The following RAE1 variants were observed in gnomAD, a reference collection of about 807,000 sequenced individuals.
RAE1 encodes ribonucleic acid export 1.
In RAE1, 13 loss-of-function variants were observed where a neutral mutation model predicts 52.7. That is an observed-to-expected ratio of 0.25 (90% confidence interval 0.16 to 0.39). The LOEUF is 0.39. Ranked by LOEUF, RAE1 falls within the 10% of genes least tolerant of loss-of-function variation. The probability of loss-of-function intolerance (pLI) is 1.00; values close to 1 mark genes in which losing one functional copy is unlikely to be tolerated. For missense variants in RAE1, 262 were observed against 459.8 expected, an observed-to-expected ratio of 0.57 and a Z score of 3.93; for synonymous variants, 164 against 153.1, an observed-to-expected ratio of 1.07 and a Z score of -0.52.
chr20:57,373,041 T>C, intron 8 of RAE1: 1 of 218,646 alleles, frequency 4.6e-6, no homozygotes, highest in Non-Finnish European at 9.3e-6. Context: ...CTTCACCCTG[T>C]TACCCTGTGA....
In RAE1 at chr20:57,368,614, A is replaced by G. The variant is rs2066990994; in HGVS notation, c.535-91A>G. On this transcript the variant is annotated intron_variant, in intron 7 of 11. Coordinates refer to ENST00000395841, the MANE Select transcript of RAE1 (RefSeq NM_003610.4). ...CCAGGATTATTAAAATCCAGACTTA[A>G]TGTTGTAACCAAAAATTGATCAAAT... 1.3e-5 allele frequency: 10 copies of G among 791,516 alleles called. No homozygotes were observed. In the South Asian group the frequency reaches 1.7e-4, roughly 13 times the overall value. The allele number at this position is 791,516 out of a possible 1,614,324, so 49.0% of individuals were successfully genotyped here. A position where few individuals can be genotyped will look rare whatever the true frequency, so the allele number is the denominator to read the frequency against.
intron 11 of RAE1, chr20:57,375,243 T>TC: frequency 1.8e-6 from 1 of 554,158 alleles, no homozygotes; most frequent in Non-Finnish European, 3.2e-6. Flanking sequence ...ATGTGTAGAC[T>TC]CGGGTACTCT....
chr20:57,360,130 T>G (rs1488523136), intron 4 of RAE1: 2 of 152,188 alleles, frequency 1.3e-5, no homozygotes, highest in African/African-American at 4.8e-5. Context: ...GTGTAGAAAA[T>G]TATCAGTAAT....
chr20:57,353,920 C>A (rs2066747085), intron 1 of RAE1, 112 bp from the exon 2 acceptor site: 1 of 891,880 alleles, frequency 1.1e-6, no homozygotes, highest in African/African-American at 1.7e-5. Flanking sequence ...AAAAGTGAAG[C>A]CTGGCCTCAA....
rs376299720 is a variant in RAE1, at chr20:57,378,428, A to G, written c.*329A>G. 1.5e-4 allele frequency: 36 copies of G among 247,352 alleles called. No homozygotes were observed. The South Asian group carries it at 2.0e-3, about 14-fold the overall frequency. The allele number at this position is 247,352 out of a possible 1,614,324, so 15.3% of individuals were successfully genotyped here. ...AAAGCGTCTGTGAGCCCCGTGCTGT[A>G]TTTTGTAATAAAGTCTTTTGCAGAT... On this transcript the variant is annotated 3_prime_UTR_variant, in exon 12 of 12. Coordinates refer to ENST00000395841, the MANE Select transcript of RAE1 (RefSeq NM_003610.4).
intron 11 of RAE1, 192 bp downstream of exon 11, chr20:57,374,993 C>G (rs760315952): frequency 2.7e-6 from 2 of 732,832 alleles, no homozygotes; most frequent in South Asian, 1.5e-5. Flanking sequence ...CAGCCTTTGG[C>G]CAGAACCCAG....
chr20:57,377,718 C>T (rs1407392144), intron 11 of RAE1, among the ~76,000 whole-genome samples: 3 of 152,150 alleles, frequency 2.0e-5, no homozygotes, highest in Non-Finnish European at 4.4e-5. Flanking sequence ...GTTATCCTGG[C>T]GTTAAAGTCC....
At chr20:57,375,740 C>A (rs1487076586) in intron 11 of RAE1, among the ~76,000 whole-genome samples, 1 of 152,208 alleles carries the variant, frequency 6.6e-6, no homozygotes, top group African/African-American at 2.4e-5. Context: ...CCTCTTGCAG[C>A]TGTACTCAGA....
At chr20:57,369,431 C>G (rs7263686) in intron 8 of RAE1, among the ~76,000 whole-genome samples, 1,754 of 152,310 alleles carry the variant, frequency 0.012, 38 homozygotes, top group African/African-American at 0.039. Flanking sequence ...CTTCCCTAAT[C>G]AGGACAAGGG....
In RAE1 at chr20:57,351,423, G is replaced by A; in HGVS notation, c.-8+1G>A. The stretch of plus-strand genomic sequence containing the variant: ...CTTTCCGCCGGGGCGAGACCCCCAG[G>A]TAGGCCCCGTGCCGCGCGCGTCCCG... On this transcript the variant is annotated splice_donor_variant, in intron 1 of 11. Transcript: ENST00000395841. LOFTEE classifies it low-confidence loss of function (5UTR_SPLICE). 1 of 985,540 alleles carries A rather than the reference G, an allele frequency of 1.0e-6. No homozygotes were observed. 61.0% of individuals were successfully genotyped at this position (985,540 alleles called of 1,614,324 possible).
chr20:57,362,308 C>A (rs1199134321), intron 4 of RAE1, among the ~76,000 whole-genome samples: 2 of 152,210 alleles, frequency 1.3e-5, no homozygotes, highest in Middle Eastern at 3.2e-3. Flanking sequence ...GCATTTTTAT[C>A]ACCTGTAAAA....
intron 1 of RAE1, chr20:57,351,996 C>CAG (rs2146120814): frequency 1.0e-6 from 1 of 984,242 alleles, no homozygotes; most frequent in East Asian, 1.1e-4. Flanking sequence ...GGGAAGAATC[C>CAG]AGGCAAGTGG....
intron 5 of RAE1, among the ~76,000 whole-genome samples, chr20:57,366,072 T>A (rs1325631802): frequency 2.0e-5 from 3 of 152,176 alleles, no homozygotes; most frequent in Non-Finnish European, 4.4e-5. Context: ...GCTAGAAACA[T>A]CTCATTGATC....
rs1345160049 is a variant in RAE1, at chr20:57,351,424, T to C, written c.-8+2T>C. The stretch of plus-strand genomic sequence containing the variant: ...TTTCCGCCGGGGCGAGACCCCCAGG[T>C]AGGCCCCGTGCCGCGCGCGTCCCGT... On this transcript the variant is annotated splice_donor_variant, in intron 1 of 11. Coordinates refer to ENST00000395841, the MANE Select transcript of RAE1 (RefSeq NM_003610.4). LOFTEE classifies it low-confidence loss of function (5UTR_SPLICE). 1 of 985,354 alleles carries C rather than the reference T, an allele frequency of 1.0e-6. No individual in the cohort carries two copies. The highest frequency in any genetic ancestry group is 1.2e-6 in the Non-Finnish European group (1 of 830,018). 61.0% of individuals were successfully genotyped at this position (985,354 alleles called of 1,614,324 possible).
intron 4 of RAE1, among the ~76,000 whole-genome samples, chr20:57,364,413 C>T (rs945837161): frequency 6.6e-6 from 1 of 152,192 alleles, no homozygotes; most frequent in Non-Finnish European, 1.5e-5. Context: ...TCATACCTTT[C>T]CTTTGCTGTG....
intron 5 of RAE1, 46 bp downstream of exon 5, chr20:57,365,488 G>T: frequency 1.5e-6 from 2 of 1,300,374 alleles, no homozygotes; most frequent in South Asian, 2.8e-5. Context: ...TGGTACCCAG[G>T]ACTGTGATGG....
intron 4 of RAE1, among the ~76,000 whole-genome samples, chr20:57,360,674 A>G (rs973188797): frequency 1.3e-5 from 2 of 152,194 alleles, no homozygotes; most frequent in African/African-American, 4.8e-5. Flanking sequence ...GTTTTTTACA[A>G]CTTAGATGGA....
At chr20:57,371,140 A>G (rs1339611941) in intron 8 of RAE1, 1 of 152,240 alleles carries the variant, frequency 6.6e-6, no homozygotes, top group African/African-American at 2.4e-5. Context: ...TCAGAACTCT[A>G]TGACATTGGT....
Position 57,359,119 on chromosome 20 carries a change from C to CA in RAE1, c.288+2582dup, listed in dbSNP as rs2066849455. The stretch of plus-strand genomic sequence containing the variant: ...GATACCACAGCTGTTGAATATATGT[C>CA]ACTGGGCAGATAGTGCCTCTAATAC... On this transcript the variant is annotated intron_variant, in intron 4 of 11. Transcript: ENST00000395841. 3.9e-6 allele frequency: 4 copies of CA among 1,014,336 alleles called. No homozygotes were observed. In the South Asian group the frequency reaches 9.4e-5, roughly 24 times the overall value. 62.8% of individuals were successfully genotyped at this position (1,014,336 alleles called of 1,614,324 possible).
Sources: gnomAD v4.1 joint callset for allele counts (sites outside exome capture counted in the v4.1 genomes callset) on GRCh38, gnomAD v4.1.1 for gene constraint, MANE v1.5 for transcripts, NCBI Gene and HGNC (gene_info 2026-07-23, HGNC 2026-07-21) for gene names.